The following CADPS2 variants were observed in gnomAD, a reference collection of about 807,000 sequenced individuals.
The protein encoded by CADPS2 is calcium-dependent secretion activator 2.
Under a neutral mutation model 172.5 loss-of-function variants are expected in CADPS2, and 93 were observed. The ratio of observed to expected loss-of-function variants is 0.54; its 90% CI spans 0.46 to 0.64. CADPS2 has a LOEUF of 0.64. CADPS2 is among the 30% of genes least tolerant of loss of function. CADPS2 has a pLI of 0.00. For synonymous variants in CADPS2, 546 were observed against 555.2 expected, an observed-to-expected ratio of 0.98 and a Z score of 0.23; for missense variants, 1,420 against 1,565.9, an observed-to-expected ratio of 0.91 and a Z score of 1.57.
chr7:122,441,039 A>G (rs2051281892), intron 16 of CADPS2, among the ~76,000 whole-genome samples: 3 of 144,340 alleles, frequency 2.1e-5, no homozygotes. Flanking sequence ...AAGGTAACAC[A>G]TACACTGGAA....
chr7:122,796,951 T>G (rs1796505039), intron 1 of CADPS2, among the ~76,000 whole-genome samples: 1 of 152,094 alleles, frequency 6.6e-6, no homozygotes. Flanking sequence ...AGACAATTTT[T>G]GCAAACTATG....
chr7:122,811,238 T>C (rs967492806), intron 1 of CADPS2, among the ~76,000 whole-genome samples: 9 of 152,200 alleles, frequency 5.9e-5, no homozygotes, highest in African/African-American at 2.2e-4. Flanking sequence ...CCCATTCAGC[T>C]GATGAGAAAA....
intron 1 of CADPS2, among the ~76,000 whole-genome samples, chr7:122,776,544 C>T (rs2093888129): frequency 6.7e-6 from 1 of 150,004 alleles, no homozygotes; most frequent in Non-Finnish European, 1.5e-5. Flanking sequence ...CAGATTGGAA[C>T]AGTTTGGAGG....
chr7:122,647,755 C>T (rs1326368365), intron 3 of CADPS2, among the ~76,000 whole-genome samples: 2 of 151,948 alleles, frequency 1.3e-5, no homozygotes, highest in African/African-American at 2.4e-5. Flanking sequence ...TTAAAAAAAG[C>T]TTTATATGAA....
At chr7:122,727,262 A>G (rs1410392617) in intron 2 of CADPS2, among the ~76,000 whole-genome samples, 3 of 151,978 alleles carry the variant, frequency 2.0e-5, no homozygotes, top group South Asian at 4.1e-4. Context: ...TCAAGGTCCT[A>G]CCTTTGCAAT....
intron 1 of CADPS2, among the ~76,000 whole-genome samples, chr7:122,766,234 A>T (rs1256754084): frequency 6.6e-6 from 1 of 152,088 alleles, no homozygotes; most frequent in African/African-American, 2.4e-5. Context: ...CCATGGACCA[A>T]ATATCTCCCA....
At chr7:122,606,514 A>G (rs1587782171) in intron 6 of CADPS2, among the ~76,000 whole-genome samples, 1 of 152,132 alleles carries the variant, frequency 6.6e-6, no homozygotes, top group Non-Finnish European at 1.5e-5. Context: ...CACAAGAAAA[A>G]GAATTGGCCC....
intron 8 of CADPS2, among the ~76,000 whole-genome samples, chr7:122,523,111 T>C (rs1337257466): frequency 1.3e-5 from 2 of 152,176 alleles, no homozygotes; most frequent in Non-Finnish European, 2.9e-5. Flanking sequence ...TTGGATCACA[T>C]GATAGTTCTA....
intron 9 of CADPS2, among the ~76,000 whole-genome samples, chr7:122,504,651 C>T (rs1489292587): frequency 6.6e-6 from 1 of 152,110 alleles, no homozygotes; most frequent in East Asian, 1.9e-4. Flanking sequence ...ACTGTAACCT[C>T]GAATTCCTGG....
chr7:122,707,713 C>G (rs2087813679), intron 2 of CADPS2, among the ~76,000 whole-genome samples: 1 of 151,728 alleles, frequency 6.6e-6, no homozygotes, highest in African/African-American at 2.4e-5. Context: ...AAGTACCTCA[C>G]TGAGAGCAGC....
At chr7:122,320,404 C>A in intron 29 of CADPS2, 66 bp from the exon 30 acceptor site, 1 of 1,251,646 alleles carries the variant, frequency 8.0e-7, no homozygotes, top group South Asian at 2.1e-5. Context: ...GATATATACT[C>A]AGTTGGCATT....
intron 1 of CADPS2, among the ~76,000 whole-genome samples, chr7:122,788,783 T>C (rs1194833682): frequency 6.6e-6 from 1 of 152,188 alleles, no homozygotes; most frequent in Non-Finnish European, 1.5e-5. Context: ...ACAATAAAAC[T>C]GTTCTCCTGG....
chr7:122,751,106 T>C (rs2138385063), intron 1 of CADPS2, among the ~76,000 whole-genome samples: 1 of 152,296 alleles, frequency 6.6e-6, no homozygotes, highest in Non-Finnish European at 1.5e-5. Flanking sequence ...CTGGTTTGTA[T>C]AATTATGAAT....
At chr7:122,514,994 C>T (rs1404541377) in intron 8 of CADPS2, among the ~76,000 whole-genome samples, 1 of 152,068 alleles carries the variant, frequency 6.6e-6, no homozygotes, top group East Asian at 1.9e-4. Flanking sequence ...AAGTTTCCTT[C>T]TTTATTCCCT....
chr7:122,850,641 C>T (rs754729414), intron 1 of CADPS2, among the ~76,000 whole-genome samples: 20 of 152,218 alleles, frequency 1.3e-4, no homozygotes, highest in Non-Finnish European at 2.5e-4. Flanking sequence ...TGGTCAGCTC[C>T]CTTCTCTGTA....
intron 3 of CADPS2, among the ~76,000 whole-genome samples, chr7:122,636,436 C>T (rs184587918): frequency 6.7e-5 from 10 of 149,494 alleles, no homozygotes; most frequent in African/African-American, 1.2e-4. Flanking sequence ...CATCCTCTTC[C>T]GGCTCGTAAG....
intron 23 of CADPS2, among the ~76,000 whole-genome samples, chr7:122,387,461 GA>G (rs967112546): frequency 1.3e-5 from 2 of 151,256 alleles, no homozygotes; most frequent in African/African-American, 2.4e-5. Context: ...ACATTTAATG[GA>G]AAAAAAACTC....
intron 1 of CADPS2, among the ~76,000 whole-genome samples, chr7:122,835,628 G>A (rs911513109): frequency 6.6e-6 from 1 of 152,186 alleles, no homozygotes; most frequent in African/African-American, 2.4e-5. Flanking sequence ...TGAGAACTAC[G>A]TGATGAATGT....
Position 122,428,375 on chromosome 7 carries a change from A to G in CADPS2, c.2476+9966T>C, listed in dbSNP as rs1195509260. 2.0e-5 allele frequency among the ~76,000 whole-genome samples: 3 copies of G among 151,944 alleles called. No homozygotes were observed. In the East Asian group the frequency reaches 5.8e-4, roughly 29 times the overall value. On this transcript the variant is annotated intron_variant, in intron 17 of 29. Coordinates refer to ENST00000449022, the MANE Select transcript of CADPS2 (RefSeq NM_017954.11). ...CCAGTATCATATAAAGCTGTACTTG[A>G]TGAAACAGTAAAAATATTACTTTGA...
Sources: allele counts gnomAD v4.1 joint callset (sites outside exome capture counted in the v4.1 genomes callset), GRCh38; gene constraint gnomAD v4.1.1; transcripts MANE v1.5; gene names NCBI Gene and HGNC (gene_info 2026-07-23, HGNC 2026-07-21).